Variants in PDE4D observed in about 807,000 individuals in gnomAD.
PDE4D encodes 3',5'-cyclic-AMP phosphodiesterase 4D.
Under a neutral mutation model 87.4 loss-of-function variants are expected in PDE4D, and 24 were observed. The observed-to-expected ratio is 0.27, with a 90% CI of 0.20 to 0.39. The LOEUF (loss-of-function observed/expected upper bound fraction) is 0.39. PDE4D is among the 10% of genes least tolerant of loss of function. The pLI is 1.00. For synonymous variants in PDE4D, 384 were observed against 383.2 expected (o/e 1.00, Z -0.02); for missense variants, 714 against 1,041.0 (o/e 0.69, Z 4.32).
intron 1 of PDE4D, among the ~76,000 whole-genome samples, chr5:59,712,429 T>TATATATATATA (rs1754342946): frequency 9.9e-5 from 13 of 131,628 alleles, no homozygotes; most frequent in African/African-American, 1.6e-4. Flanking sequence ...TATATATATA[T>TATATATATATA]TTAAGTTGTT....
At chr5:59,618,359 G>A (rs1829956782) in intron 1 of PDE4D, among the ~76,000 whole-genome samples, 1 of 152,112 alleles carries the variant, frequency 6.6e-6, no homozygotes, top group Non-Finnish European at 1.5e-5. Flanking sequence ...GGCAAAAACA[G>A]CAAAGAAACA....
intron 1 of PDE4D, among the ~76,000 whole-genome samples, chr5:60,394,358 C>A (rs970671630): frequency 6.6e-6 from 1 of 152,192 alleles, no homozygotes; most frequent in African/African-American, 2.4e-5. Context: ...TTAAAGTTTT[C>A]TCCCCATAAC....
chr5:59,710,586 T>TA lies in PDE4D; in HGVS notation c.455+182581dup, dbSNP rs1554067424. ...ATATTATTTAACTTAATGTCAATGT[T>TA]AAAAATAAAATAGTAAGAAACAGTC... On this transcript the variant is annotated intron_variant, in intron 1 of 14. Coordinates refer to ENST00000340635, the MANE Select transcript of PDE4D (RefSeq NM_001104631.2). Among the ~76,000 whole-genome samples, 4 of 151,674 alleles carry TA rather than the reference T, an allele frequency of 2.6e-5. No individual in the cohort carries two copies. The East Asian group carries it at 7.7e-4, about 29-fold the overall frequency.
chr5:59,360,217 C>G (rs1414652003), intron 1 of PDE4D, among the ~76,000 whole-genome samples: 3 of 152,110 alleles, frequency 2.0e-5, no homozygotes, highest in Non-Finnish European at 4.4e-5. Flanking sequence ...CATTCAATTA[C>G]TTGCGCATCA....
At chr5:59,963,547 G>T (rs1489001560) in intron 3 of PDE4D, among the ~76,000 whole-genome samples, 2 of 152,172 alleles carry the variant, frequency 1.3e-5, no homozygotes, top group African/African-American at 4.8e-5. Flanking sequence ...ATAAAAACGG[G>T]CTGGCTTCTG....
intron 1 of PDE4D, among the ~76,000 whole-genome samples, chr5:59,241,248 A>ACCTGCTGTTGCTACCCTGCCT (rs1311189382): frequency 6.6e-6 from 1 of 152,174 alleles, no homozygotes; most frequent in Non-Finnish European, 1.5e-5. Context: ...TTCAACAACT[A>ACCTGCTGTTGCTACCCTGCCT]GGTCTGCTAC....
rs201494974 is a variant in PDE4D, at chr5:59,376,391, T to C, written c.456-160423A>G. 2.0e-5 allele frequency among the ~76,000 whole-genome samples: 3 copies of C among 151,936 alleles called. No individual in the cohort carries two copies. The East Asian group carries it at 5.8e-4, about 29-fold the overall frequency. On this transcript the variant is annotated intron_variant, in intron 1 of 14. Transcript: ENST00000340635. Reference sequence around the variant, plus strand: ...AACTAGCATTCCTACACACCAACAATAGTCAAGCTGAGAGCCAAATCAGGA... The same window carrying C: ...AACTAGCATTCCTACACACCAACAACAGTCAAGCTGAGAGCCAAATCAGGA...
chr5:60,401,812 T>A (rs2150047753), intron 1 of PDE4D, among the ~76,000 whole-genome samples: 1 of 152,360 alleles, frequency 6.6e-6, no homozygotes, highest in African/African-American at 2.4e-5. Flanking sequence ...GTTTGCAGCA[T>A]CTGCGTCAAT....
In PDE4D at chr5:58,999,502, C is replaced by G. The variant is rs772732699; in HGVS notation, c.922-6037G>C. The G allele has an allele frequency of 2.0e-6, 3 of 1,530,218 alleles. No individual in the cohort carries two copies. In the African/African-American group the frequency reaches 4.1e-5, roughly 21 times the overall value. The allele number at this position is 1,530,218 out of a possible 1,614,324, so 94.8% of individuals were successfully genotyped here. On this transcript the variant is annotated intron_variant, in intron 6 of 14. Transcript: ENST00000340635. ...AGTAAGTCTTACCTTTATGTAGCCC[C>G]AAGACACTGACAGTAAATAGTTTGC... is the stretch of plus-strand genomic sequence containing the variant.
chr5:59,389,343 AT>A (rs11366994), intron 1 of PDE4D, among the ~76,000 whole-genome samples: 37,540 of 151,590 alleles, frequency 0.25, 4,971 homozygotes, highest in East Asian at 0.39. Context: ...AAATATTACA[AT>A]TAGTTTCTAA....
intron 1 of PDE4D, among the ~76,000 whole-genome samples, chr5:59,601,812 T>A (rs1827546537): frequency 6.6e-6 from 1 of 152,106 alleles, no homozygotes; most frequent in South Asian, 2.1e-4. Flanking sequence ...GTAAACTAGC[T>A]AACTTGTACT....
At chr5:59,349,741 TTTC>T (rs368138541) in intron 1 of PDE4D, among the ~76,000 whole-genome samples, 19 of 152,216 alleles carry the variant, frequency 1.2e-4, no homozygotes, top group African/African-American at 4.3e-4. Flanking sequence ...TGGAGTGTCT[TTTC>T]TTCTTTTGTC....
intron 2 of PDE4D, among the ~76,000 whole-genome samples, chr5:60,045,879 GT>G (rs964556962): frequency 1.3e-5 from 2 of 151,998 alleles, no homozygotes; most frequent in Admixed American, 1.3e-4. Context: ...CTTTAAAGTA[GT>G]TTTTTTTCCA....
chr5:59,370,536 A>C (rs927341580), intron 1 of PDE4D, among the ~76,000 whole-genome samples: 2 of 152,194 alleles, frequency 1.3e-5, no homozygotes, highest in African/African-American at 4.8e-5. Flanking sequence ...AGGGATACCT[A>C]TTCTGACTTT....
intron 3 of PDE4D, among the ~76,000 whole-genome samples, chr5:59,906,287 A>G (rs1236040509): frequency 6.6e-6 from 1 of 152,116 alleles, no homozygotes; most frequent in Non-Finnish European, 1.5e-5. Flanking sequence ...GTTCCTATCT[A>G]TTTTTAATCG....
chr5:59,896,687 A>G (rs368735407), upstream of PDE4D, among the ~76,000 whole-genome samples: 1 of 152,310 alleles, frequency 6.6e-6, no homozygotes, highest in Admixed American at 6.5e-5. Context: ...TGGTTGCAAA[A>G]ACACTGTAGA....
rs1379108278 is a variant in PDE4D at position 59,038,981 on chromosome 5, G to C, written c.809-10C>G. 15 of 1,568,158 alleles carry C rather than the reference G, an allele frequency of 9.6e-6. No individual in the cohort carries two copies. Among genetic ancestry groups the C allele is most frequent in the Non-Finnish European group, 1.3e-5 (15 of 1,155,600 alleles). On this transcript the variant is annotated splice_polypyrimidine_tract_variant and intron_variant, in intron 5 of 14. Coordinates refer to ENST00000340635, the MANE Select transcript of PDE4D (RefSeq NM_001104631.2). ...TTCTGGTAGGCCTCCTCTGCGAAGA[G>C]ACAGGGAAAGGGGGACTCAGTTCTC... is the stretch of plus-strand genomic sequence containing the variant.
chr5:59,426,117 G>C (rs779519371), intron 1 of PDE4D, among the ~76,000 whole-genome samples: 6 of 152,180 alleles, frequency 3.9e-5, no homozygotes, highest in Non-Finnish European at 7.3e-5. Flanking sequence ...AGATAACACA[G>C]TGAGAAGGTG....
chr5:59,430,026 T>C (rs907451538), intron 1 of PDE4D, among the ~76,000 whole-genome samples: 3 of 152,152 alleles, frequency 2.0e-5, no homozygotes, highest in Non-Finnish European at 4.4e-5. Flanking sequence ...ATTCTCATCA[T>C]GGGTGATTTT....
Sources: gnomAD v4.1 joint callset for allele counts (sites outside exome capture counted in the v4.1 genomes callset) on GRCh38, gnomAD v4.1.1 for gene constraint, MANE v1.5 for transcripts, NCBI Gene and HGNC (gene_info 2026-07-23, HGNC 2026-07-21) for gene names.